The following GALNT14 variants were observed in gnomAD, a reference collection of about 807,000 sequenced individuals.
GALNT14 encodes polypeptide N-acetylgalactosaminyltransferase 14.
GALNT14 carries 60 observed loss-of-function variants against 77.5 expected under a neutral mutation model. The observed-to-expected ratio is 0.77, with a 90% CI of 0.63 to 0.96. GALNT14 has a LOEUF of 0.96. Among genes scored for constraint, GALNT14 ranks in the 40% least tolerant of loss-of-function variants. The pLI is 0.00. For missense variants in GALNT14, 710 were observed against 731.0 expected (o/e 0.97, Z 0.33); for synonymous variants, 280 against 281.7 (o/e 0.99, Z 0.06).
the GALNT14 span, among the ~76,000 whole-genome samples, chr2:30,889,441 C>T: frequency 1.3e-5 from 2 of 152,154 alleles, no homozygotes; most frequent in African/African-American, 4.8e-5. Context: ...CCAGGTGTGC[C>T]ACCCTGGACA....
At chr2:31,013,685 T>C (rs1336768846) in intron 1 of GALNT14, among the ~76,000 whole-genome samples, 2 of 152,044 alleles carry the variant, frequency 1.3e-5, no homozygotes, top group Non-Finnish European at 2.9e-5. Context: ...GGCAGACTTC[T>C]AATTTGGACC....
chr2:31,129,428 T>G, intron 1 of GALNT14: 1 of 985,452 alleles, frequency 1.0e-6, no homozygotes, highest in South Asian at 4.7e-5. Context: ...TTCAGCTAGC[T>G]CCTCTTCTGA....
chr2:31,030,637 C>T (rs1171558470), intron 1 of GALNT14, among the ~76,000 whole-genome samples: 4 of 152,190 alleles, frequency 2.6e-5, no homozygotes, highest in East Asian at 1.9e-4. Context: ...TGCTGAAGCC[C>T]GTGAGCCTTC....
intron 1 of GALNT14, among the ~76,000 whole-genome samples, chr2:31,085,424 C>T (rs1293797077): frequency 2.0e-5 from 3 of 152,226 alleles, no homozygotes; most frequent in African/African-American, 7.2e-5. Flanking sequence ...CAGAAGAGTT[C>T]AACTCCAAGT....
At chr2:31,124,788 C>T (rs1678617051) in intron 1 of GALNT14, among the ~76,000 whole-genome samples, 5 of 152,156 alleles carry the variant, frequency 3.3e-5, no homozygotes. Flanking sequence ...TCTCAGCCTG[C>T]CCACCTTGTG....
At chr2:30,990,696 T>C (rs1178254875) in intron 2 of GALNT14, among the ~76,000 whole-genome samples, 1 of 152,240 alleles carries the variant, frequency 6.6e-6, no homozygotes, top group African/African-American at 2.4e-5. Context: ...GCTGGTCCCA[T>C]GTGCTTGCCC....
chr2:30,986,567 A>G (rs1245572780), intron 2 of GALNT14, among the ~76,000 whole-genome samples: 1 of 152,196 alleles, frequency 6.6e-6, no homozygotes, highest in African/African-American at 2.4e-5. Flanking sequence ...TTGAAATGTA[A>G]TTGTGGCTAA....
At chr2:31,122,191 G>A (rs1293043973) in intron 1 of GALNT14, among the ~76,000 whole-genome samples, 2 of 152,170 alleles carry the variant, frequency 1.3e-5, no homozygotes, top group Non-Finnish European at 2.9e-5. Flanking sequence ...ACTGGACACA[G>A]GGGGCTCCGG....
intron 7 of GALNT14, among the ~76,000 whole-genome samples, chr2:30,945,394 C>T (rs1666626743): frequency 6.6e-6 from 1 of 152,112 alleles, no homozygotes; most frequent in Admixed American, 6.5e-5. Flanking sequence ...GTGGGTCTCC[C>T]CAAACATGCT....
At chr2:31,013,433 CCAA>C (rs1425626937) in intron 1 of GALNT14, among the ~76,000 whole-genome samples, 1 of 152,164 alleles carries the variant, frequency 6.6e-6, no homozygotes, top group Non-Finnish European at 1.5e-5. Context: ...CCAGGCAGAA[CCAA>C]CAAGTCACCT....
intron 1 of GALNT14, among the ~76,000 whole-genome samples, chr2:31,094,045 C>G (rs7340309): frequency 0.06 from 9,166 of 152,242 alleles, 412 homozygotes; most frequent in African/African-American, 0.12. Context: ...GCGACCTGCA[C>G]GTATACATCC....
chr2:30,962,356 A>T (rs747282630), intron 3 of GALNT14, among the ~76,000 whole-genome samples: 8 of 152,216 alleles, frequency 5.3e-5, no homozygotes, highest in Admixed American at 2.6e-4. Flanking sequence ...CAAATTCTTA[A>T]CCACCTTACT....
the GALNT14 span, among the ~76,000 whole-genome samples, chr2:30,903,037 T>A: frequency 6.6e-6 from 1 of 152,158 alleles, no homozygotes; most frequent in African/African-American, 2.4e-5. Context: ...TCTTTCCCAG[T>A]GTGGAGCAAA....
At chr2:31,004,329 C>A (rs1670542788) in intron 1 of GALNT14, among the ~76,000 whole-genome samples, 1 of 152,174 alleles carries the variant, frequency 6.6e-6, no homozygotes, top group Non-Finnish European at 1.5e-5. Flanking sequence ...TGCCTATAAC[C>A]AGGAGGCCAA....
chr2:30,894,268 T>G, the GALNT14 span, among the ~76,000 whole-genome samples: 424 of 152,330 alleles, frequency 2.8e-3, no homozygotes, highest in African/African-American at 9.9e-3. Context: ...CCTGGTTACT[T>G]GCACTTAGTA....
At chr2:30,988,576 TG>T (rs58651160) in intron 2 of GALNT14, among the ~76,000 whole-genome samples, 29,267 of 151,958 alleles carry the variant, frequency 0.19, 3,067 homozygotes, top group Admixed American at 0.3. Context: ...CTGTAGTGTG[TG>T]GGGGAGGTGG....
At chr2:31,119,592 C>G (rs1411300777) in intron 1 of GALNT14, among the ~76,000 whole-genome samples, 12 of 152,202 alleles carry the variant, frequency 7.9e-5, no homozygotes, top group Admixed American at 7.9e-4. Flanking sequence ...TACTCTCGTA[C>G]TTTGCTAACG....
chr2:31,080,818 G>C (rs7573132), intron 1 of GALNT14, among the ~76,000 whole-genome samples: 1 of 152,176 alleles, frequency 6.6e-6, no homozygotes, highest in Non-Finnish European at 1.5e-5. Context: ...ATGCACTTAC[G>C]TTCTAGATCC....
intron 1 of GALNT14, among the ~76,000 whole-genome samples, chr2:31,016,808 C>T (rs1341168314): frequency 1.3e-5 from 2 of 152,150 alleles, no homozygotes; most frequent in Non-Finnish European, 2.9e-5. Context: ...CTCCCCTCCT[C>T]CTGGGAGTGC....
Sources: gnomAD v4.1 joint callset for allele counts (sites outside exome capture counted in the v4.1 genomes callset) on GRCh38, gnomAD v4.1.1 for gene constraint, MANE v1.5 for transcripts, NCBI Gene and HGNC (gene_info 2026-07-23, HGNC 2026-07-21) for gene names.